RADX: variants seen among roughly 807,000 people sequenced by gnomAD.
The protein encoded by RADX is RPA-related protein RADX.
Under a neutral mutation model 61.6 loss-of-function variants are expected in RADX, and 36 were observed. The observed-to-expected ratio is 0.58, with a 90% CI of 0.45 to 0.77. The LOEUF (loss-of-function observed/expected upper bound fraction) is 0.77, where lower values mean the gene tolerates loss of function less well. Among genes scored for constraint, RADX ranks in the 30% least tolerant of loss-of-function variants. The probability of loss-of-function intolerance (pLI) is 0.00; values close to 1 mark genes in which losing one functional copy is unlikely to be tolerated. For synonymous variants in RADX, 272 were observed against 237.9 expected (o/e 1.14, Z -1.32); for missense variants, 497 against 651.1 (o/e 0.76, Z 2.58).
chrX:106,617,001 G>GT (rs1205005962), intron 1 of RADX, among the ~76,000 whole-genome samples: 18 of 47,734 alleles, frequency 3.8e-4, no homozygotes, highest in South Asian at 9.1e-4. Flanking sequence ...GCATTTCTTT[G>GT]TTTTTTTTGT....
At chrX:106,650,219 C>A (rs980869075) in intron 11 of RADX, among the ~76,000 whole-genome samples, 2 of 111,016 alleles carry the variant, frequency 1.8e-5, no homozygotes, top group Non-Finnish European at 3.8e-5. Flanking sequence ...AGTGGAATCC[C>A]AGACCTGTGC....
chrX:106,628,580 G>T (rs1927128458), intron 3 of RADX, among the ~76,000 whole-genome samples: 1 of 110,610 alleles, frequency 9.0e-6, no homozygotes, highest in Non-Finnish European at 1.9e-5. Context: ...AACTACTGGG[G>T]TCATTTATCT....
intron 13 of RADX, among the ~76,000 whole-genome samples, chrX:106,673,001 T>C (rs747626963): frequency 2.4e-4 from 27 of 111,176 alleles, no homozygotes; most frequent in African/African-American, 8.5e-4. Flanking sequence ...GAATGCTGCC[T>C]GGCCTGGCAC....
chrX:106,619,653 G>A (rs1926896114), intron 1 of RADX, among the ~76,000 whole-genome samples: 1 of 111,168 alleles, frequency 9.0e-6, no homozygotes, highest in South Asian at 3.8e-4. Flanking sequence ...GCTTCTTATG[G>A]CAATAATGGT....
Position 106,678,370 on chromosome X carries a change from C to A in RADX, c.*112C>A. On this transcript the variant is annotated 3_prime_UTR_variant, in exon 14 of 14. Transcript: ENST00000372548. ...TTTCAGCAAGAATATTACATGAGCT[C>A]TAAAGTTATTAAGCAGTTTTATGTT... 1.9e-6 allele frequency: 1 copy of A among 519,230 alleles called. No individual in the cohort carries two copies. Among genetic ancestry groups the A allele is most frequent in the Non-Finnish European group, 3.0e-6 (1 of 330,763 alleles). 42.8% of individuals were successfully genotyped at this position (519,230 alleles called of 1,213,427 possible).
chrX:106,673,976 A>G (rs1340724021), intron 13 of RADX, among the ~76,000 whole-genome samples: 1 of 110,127 alleles, frequency 9.1e-6, no homozygotes, highest in Non-Finnish European at 1.9e-5. Flanking sequence ...CAATTGCTGG[A>G]TCTCCCTCTC....
At chrX:106,619,106 G>A (rs1926880802) in intron 1 of RADX, among the ~76,000 whole-genome samples, 1 of 107,918 alleles carries the variant, frequency 9.3e-6, no homozygotes, top group African/African-American at 3.4e-5. Context: ...CATTGTATTT[G>A]TATTCTCCTA....
At chrX:106,615,561 G>C (rs1161091974) in intron 1 of RADX, among the ~76,000 whole-genome samples, 2 of 111,649 alleles carry the variant, frequency 1.8e-5, no homozygotes, top group African/African-American at 6.5e-5. Flanking sequence ...CATTTTAAAA[G>C]TGCCTTTTAA....
intron 11 of RADX, among the ~76,000 whole-genome samples, chrX:106,657,447 A>G (rs1927970082): frequency 8.9e-6 from 1 of 112,016 alleles, no homozygotes; most frequent in Non-Finnish European, 1.9e-5. Flanking sequence ...ACTTTCCTTC[A>G]AGAACTTTTA....
intron 3 of RADX, among the ~76,000 whole-genome samples, chrX:106,626,901 C>T (rs1286229671): frequency 8.9e-6 from 1 of 111,860 alleles, no homozygotes; most frequent in Non-Finnish European, 1.9e-5. Flanking sequence ...TAGACTATTT[C>T]TGTAAAGCAC....
intron 12 of RADX, among the ~76,000 whole-genome samples, chrX:106,662,508 G>T (rs1928124831): frequency 9.0e-6 from 1 of 110,510 alleles, no homozygotes; most frequent in Non-Finnish European, 1.9e-5. Flanking sequence ...GCAAGTCCTT[G>T]GAAGGTATCT....
chrX:106,648,778 G>A (rs985775476), intron 11 of RADX, among the ~76,000 whole-genome samples: 4 of 110,740 alleles, frequency 3.6e-5, no homozygotes, highest in Non-Finnish European at 5.7e-5. Flanking sequence ...AAGTGATTTC[G>A]TAATACAATT....
chrX:106,619,209 C>T (rs1355346135), intron 1 of RADX, among the ~76,000 whole-genome samples: 2 of 110,966 alleles, frequency 1.8e-5, no homozygotes, highest in African/African-American at 6.6e-5. Context: ...AATGTTTTAA[C>T]AAAATTATTT....
intron 13 of RADX, among the ~76,000 whole-genome samples, chrX:106,676,346 A>C (rs1411146738): frequency 8.9e-6 from 1 of 112,129 alleles, no homozygotes; most frequent in East Asian, 2.8e-4. Flanking sequence ...CCCTTCTAAA[A>C]CCCATTTGGC....
intron 6 of RADX, among the ~76,000 whole-genome samples, chrX:106,635,029 G>A (rs191518865): frequency 8.9e-6 from 1 of 112,044 alleles, no homozygotes; most frequent in African/African-American, 3.2e-5. Flanking sequence ...GACCAAAAGT[G>A]AAGGAAAAAA....
At chrX:106,663,141 T>G (rs1467558341) in intron 12 of RADX, among the ~76,000 whole-genome samples, 1 of 111,949 alleles carries the variant, frequency 8.9e-6, no homozygotes, top group Non-Finnish European at 1.9e-5. Flanking sequence ...CATGGATTTT[T>G]ACATTTGTAG....
chrX:106,624,008 C>T (rs1413622778), intron 2 of RADX, among the ~76,000 whole-genome samples: 1 of 111,068 alleles, frequency 9.0e-6, no homozygotes, highest in Non-Finnish European at 1.9e-5. Context: ...TCTCCAGTCT[C>T]ATCTCTTCCT....
At chrX:106,668,163 C>T (rs914241361) in intron 12 of RADX, among the ~76,000 whole-genome samples, 5 of 111,923 alleles carry the variant, frequency 4.5e-5, no homozygotes, top group Non-Finnish European at 7.5e-5. Context: ...AAGCAAAGAA[C>T]TTGCATTTCT....
At chrX:106,661,398 T>A (rs2147637908) in intron 11 of RADX, among the ~76,000 whole-genome samples, 1 of 107,989 alleles carries the variant, frequency 9.3e-6, no homozygotes, top group Admixed American at 1.0e-4. Flanking sequence ...TTTTTTGTTT[T>A]GTTTTGTTTT....
Sources: allele counts gnomAD v4.1 joint callset (sites outside exome capture counted in the v4.1 genomes callset), GRCh38; gene constraint gnomAD v4.1.1; transcripts MANE v1.5; gene names NCBI Gene and HGNC (gene_info 2026-07-23, HGNC 2026-07-21).